STK32B: variants seen among roughly 807,000 people sequenced by gnomAD.
STK32B encodes the protein serine/threonine-protein kinase 32B.
In STK32B, 43 loss-of-function variants were observed where a neutral mutation model predicts 52.6. The ratio of observed to expected loss-of-function variants is 0.82; its 90% CI spans 0.64 to 1.05. STK32B has a LOEUF of 1.05. Among genes scored for constraint, STK32B ranks in the 50% least tolerant of loss-of-function variants. The pLI, the probability that STK32B is intolerant of heterozygous loss-of-function variation, is 0.00. For missense variants in STK32B, 621 were observed against 534.6 expected, an observed-to-expected ratio of 1.16 and a Z score of -1.59; for synonymous variants, 238 against 204.3, an observed-to-expected ratio of 1.17 and a Z score of -1.41.
At chr4:5,230,425 G>T (rs1331937612) in intron 3 of STK32B, among the ~76,000 whole-genome samples, 2 of 151,818 alleles carry the variant, frequency 1.3e-5, no homozygotes, top group African/African-American at 2.4e-5. Flanking sequence ...CCTAACCTCA[G>T]CTGATCCACC....
chr4:5,222,672 C>T (rs1277637543), intron 3 of STK32B, among the ~76,000 whole-genome samples: 1 of 152,138 alleles, frequency 6.6e-6, no homozygotes, highest in Non-Finnish European at 1.5e-5. Context: ...CTCTAAGCAT[C>T]AAAGTGTTCA....
chr4:5,218,405 G>T (rs1006326175), intron 3 of STK32B, among the ~76,000 whole-genome samples: 8 of 152,194 alleles, frequency 5.3e-5, no homozygotes, highest in African/African-American at 1.9e-4. Flanking sequence ...TTGTAATGAA[G>T]AAATGGAAAG....
chr4:5,317,311 C>CATATATATAATATGTAACATATAACAT lies in STK32B; in HGVS notation c.261-13905_261-13904insATATAATATGTAACATATAACATATAT. ...CATATATATAATATATAATATATAA[C>CATATATATAATATGTAACATATAACAT]ATATGTATAATATATATTACATATA... On this transcript the variant is annotated intron_variant, in intron 3 of 11. Coordinates refer to ENST00000282908, the MANE Select transcript of STK32B (RefSeq NM_018401.3). Among the ~76,000 whole-genome samples the CATATATATAATATGTAACATATAACAT allele has an allele frequency of 8.3e-5, 2 of 24,060 alleles. 1 individual carries two copies. Among genetic ancestry groups the CATATATATAATATGTAACATATAACAT allele is most frequent in the Non-Finnish European group, 1.3e-4 (2 of 15,758 alleles). 15.8% of individuals were successfully genotyped at this position (24,060 alleles called of 152,430 possible).
chr4:5,365,912 TG>T (rs1327044849), intron 4 of STK32B, among the ~76,000 whole-genome samples: 1 of 152,102 alleles, frequency 6.6e-6, no homozygotes, highest in African/African-American at 2.4e-5. Context: ...AGAAAGGACT[TG>T]ATTTAGAGAT....
intron 4 of STK32B, among the ~76,000 whole-genome samples, chr4:5,339,639 G>A (rs761584002): frequency 1.3e-5 from 2 of 152,086 alleles, no homozygotes; most frequent in African/African-American, 2.4e-5. Flanking sequence ...AGCCACACTC[G>A]GAAGTGGAGG....
chr4:5,124,061 A>G (rs1203580928), intron 1 of STK32B, among the ~76,000 whole-genome samples: 1 of 152,266 alleles, frequency 6.6e-6, no homozygotes, highest in South Asian at 2.1e-4. Flanking sequence ...GTAAATTCTC[A>G]TATCATCTAT....
intron 1 of STK32B, among the ~76,000 whole-genome samples, chr4:5,060,577 C>G (rs1459073413): frequency 7.1e-6 from 1 of 140,162 alleles, no homozygotes; most frequent in African/African-American, 2.5e-5. Flanking sequence ...GAGATGGAGC[C>G]TTAGATCATT....
At chr4:5,409,235 C>G (rs1163144302) in intron 5 of STK32B, among the ~76,000 whole-genome samples, 1 of 152,044 alleles carries the variant, frequency 6.6e-6, no homozygotes, top group African/African-American at 2.4e-5. Flanking sequence ...GCATTTTCCC[C>G]CTTCTGGCTC....
rs1731088438 is a variant in STK32B at position 5,317,254 on chromosome 4, C to CATATCTATAAT, written c.261-13962_261-13961insCTATAATATAT. ...TATAACATATATATATTATATATAA[C>CATATCTATAAT]ATATAACATATATATAATATATAAC... On this transcript the variant is annotated intron_variant, in intron 3 of 11. Transcript: ENST00000282908. 1.1e-4 allele frequency among the ~76,000 whole-genome samples: 2 copies of CATATCTATAAT among 17,686 alleles called. 1 individual carries two copies. The highest frequency in any genetic ancestry group is 1.3e-3 in the African/African-American group (2 of 1,592). 11.6% of individuals were successfully genotyped at this position (17,686 alleles called of 152,430 possible). A position where few individuals can be genotyped will look rare whatever the true frequency, so the allele number is the denominator to read the frequency against.
At chr4:5,448,619 C>G (rs1025734326) in intron 7 of STK32B, among the ~76,000 whole-genome samples, 9 of 152,284 alleles carry the variant, frequency 5.9e-5, no homozygotes, top group African/African-American at 1.9e-4. Context: ...CACAAATAAA[C>G]TATTTTATTT....
intron 3 of STK32B, among the ~76,000 whole-genome samples, chr4:5,263,993 A>G (rs971897551): frequency 4.6e-5 from 7 of 152,226 alleles, no homozygotes; most frequent in African/African-American, 1.7e-4. Flanking sequence ...ATATAGGAGC[A>G]GTTTATTTCA....
At chr4:5,450,538 C>T (rs1297755812) in intron 7 of STK32B, among the ~76,000 whole-genome samples, 1 of 152,208 alleles carries the variant, frequency 6.6e-6, no homozygotes, top group Non-Finnish European at 1.5e-5. Context: ...CAGTCGAAAG[C>T]TGCTTCCTTA....
intron 3 of STK32B, among the ~76,000 whole-genome samples, chr4:5,268,561 G>C (rs1727207532): frequency 6.6e-6 from 1 of 151,044 alleles, no homozygotes; most frequent in African/African-American, 2.4e-5. Flanking sequence ...GTGTGTGTGT[G>C]TGTGTGTGTG....
At chr4:5,358,699 ATG>A (rs1171942090) in intron 4 of STK32B, among the ~76,000 whole-genome samples, 28 of 95,240 alleles carry the variant, frequency 2.9e-4, no homozygotes, top group African/African-American at 1.6e-3. Context: ...ATTCACACAC[ATG>A]CACACACACA....
At chr4:5,169,568 G>A (rs973490888) in intron 3 of STK32B, among the ~76,000 whole-genome samples, 1 of 152,034 alleles carries the variant, frequency 6.6e-6, no homozygotes, top group Non-Finnish European at 1.5e-5. Context: ...GAAAATCAAG[G>A]TGTGCGTGCC....
chr4:5,151,559 G>A (rs1577110211), intron 2 of STK32B, among the ~76,000 whole-genome samples: 1 of 152,162 alleles, frequency 6.6e-6, no homozygotes, highest in Admixed American at 6.5e-5. Flanking sequence ...TCCTAGTGTA[G>A]CACCAAAGTA....
intron 1 of STK32B, among the ~76,000 whole-genome samples, chr4:5,062,667 C>A (rs990893869): frequency 1.3e-5 from 2 of 152,076 alleles, no homozygotes; most frequent in African/African-American, 4.8e-5. Context: ...TGCCACCATG[C>A]CCCGCTAATT....
At chr4:5,381,675 A>C (rs1301344348) in intron 4 of STK32B, among the ~76,000 whole-genome samples, 1 of 152,198 alleles carries the variant, frequency 6.6e-6, no homozygotes, top group Non-Finnish European at 1.5e-5. Context: ...TATTTGTAAT[A>C]CATTTCTTTT....
chr4:5,416,104 C>T (rs927215424), intron 5 of STK32B, among the ~76,000 whole-genome samples: 1 of 152,096 alleles, frequency 6.6e-6, no homozygotes, highest in Admixed American at 6.6e-5. Context: ...CTTATATGTA[C>T]CAAATTCCCC....
Sources: gnomAD v4.1 joint callset for allele counts (sites outside exome capture counted in the v4.1 genomes callset) on GRCh38, gnomAD v4.1.1 for gene constraint, MANE v1.5 for transcripts, NCBI Gene and HGNC (gene_info 2026-07-23, HGNC 2026-07-21) for gene names.